GPR158: variants seen among roughly 807,000 people sequenced by gnomAD.
GPR158 encodes the protein G protein-coupled receptor 158, also known as metabotropic glycine receptor.
Under a neutral mutation model 78.2 loss-of-function variants are expected in GPR158, and 30 were observed. That is an observed-to-expected ratio of 0.38 (90% CI 0.29 to 0.52). GPR158 has a LOEUF of 0.52. Ranked by LOEUF, GPR158 falls within the 20% of genes least tolerant of loss-of-function variation. The pLI is 0.83. For missense variants in GPR158, 1,463 were observed against 1,523.5 expected (o/e 0.96, Z 0.66); for synonymous variants, 581 against 591.1 (o/e 0.98, Z 0.25).
In GPR158 at chr10:25,389,994, G is replaced by A. The variant is rs912370574; in HGVS notation, c.1009-5917G>A. ...GCTGTTCTCATGATAGTGAATAAGTGTCATGAGATTTGATGGTTTTATAAA... is the reference window on the plus strand; with the variant it reads ...GCTGTTCTCATGATAGTGAATAAGTATCATGAGATTTGATGGTTTTATAAA... On this transcript the variant is annotated intron_variant, in intron 2 of 10. Transcript: ENST00000376351. 2.6e-5 allele frequency among the ~76,000 whole-genome samples: 4 copies of A among 152,184 alleles called. 1 individual carries two copies. In the South Asian group the frequency reaches 8.3e-4, roughly 32 times the overall value.
At chr10:25,350,475 G>A (rs945206392) in intron 2 of GPR158, among the ~76,000 whole-genome samples, 1 of 151,878 alleles carries the variant, frequency 6.6e-6, no homozygotes, top group African/African-American at 2.4e-5. Flanking sequence ...CCCCTTACAT[G>A]TGAACATAGT....
chr10:25,466,105 G>A (rs1376795904), intron 4 of GPR158: 2 of 152,306 alleles, frequency 1.3e-5, no homozygotes, highest in African/African-American at 2.4e-5. Flanking sequence ...GGGGTCATAA[G>A]GGGATATAAG....
chr10:25,440,006 C>T (rs1264089758), intron 4 of GPR158, among the ~76,000 whole-genome samples: 2 of 152,154 alleles, frequency 1.3e-5, no homozygotes, highest in Non-Finnish European at 2.9e-5. Flanking sequence ...CTTCCCCTTT[C>T]ATGTCCATAA....
chr10:25,526,578 G>A (rs1310741817), intron 5 of GPR158, among the ~76,000 whole-genome samples: 1 of 152,140 alleles, frequency 6.6e-6, no homozygotes, highest in East Asian at 1.9e-4. Context: ...ACTATGATAG[G>A]GCAATAACTG....
chr10:25,480,581 CACA>C (rs1385386230), intron 5 of GPR158, among the ~76,000 whole-genome samples: 10 of 152,178 alleles, frequency 6.6e-5, no homozygotes, highest in African/African-American at 1.9e-4. Context: ...AGCAGAATCA[CACA>C]ACATTTATTC....
At chr10:25,189,981 A>C (rs1382040173) in intron 1 of GPR158, among the ~76,000 whole-genome samples, 1 of 151,760 alleles carries the variant, frequency 6.6e-6, no homozygotes, top group African/African-American at 2.4e-5. Flanking sequence ...GAAAACAATT[A>C]GCAATCTGTC....
At chr10:25,335,993 A>C (rs1266728498) in intron 2 of GPR158, among the ~76,000 whole-genome samples, 1 of 152,028 alleles carries the variant, frequency 6.6e-6, no homozygotes, top group African/African-American at 2.4e-5. Flanking sequence ...TTTATATTGT[A>C]CATGCTGAAA....
At chr10:25,254,228 T>G (rs959334) in intron 2 of GPR158, among the ~76,000 whole-genome samples, 26,252 of 152,094 alleles carry the variant, frequency 0.17, 3,318 homozygotes, top group African/African-American at 0.35. Flanking sequence ...TTTCTTTTTC[T>G]TTTCTTATTT....
chr10:25,317,480 ATTTC>A (rs1284293200), intron 2 of GPR158, among the ~76,000 whole-genome samples: 1 of 148,570 alleles, frequency 6.7e-6, no homozygotes, highest in Non-Finnish European at 1.5e-5. Flanking sequence ...TTTTTCTTCT[ATTTC>A]TTTTCTGAGT....
intron 4 of GPR158, among the ~76,000 whole-genome samples, chr10:25,437,445 C>G (rs1006161600): frequency 6.6e-6 from 1 of 152,068 alleles, no homozygotes. Context: ...AGGCTGGTCT[C>G]GAACTCCTGG....
intron 2 of GPR158, among the ~76,000 whole-genome samples, chr10:25,291,392 T>C (rs1026108499): frequency 7.9e-5 from 12 of 152,126 alleles, no homozygotes; most frequent in Admixed American, 7.9e-4. Context: ...ATCAGTTGTT[T>C]AGGAGAAGTA....
At chr10:25,464,226 A>G (rs920241803) in intron 4 of GPR158, among the ~76,000 whole-genome samples, 7 of 152,134 alleles carry the variant, frequency 4.6e-5, no homozygotes, top group Non-Finnish European at 8.8e-5. Flanking sequence ...TACTCCTGCT[A>G]CTGTTATGTG....
rs117075464 is a variant in GPR158 at position 25,227,113 on chromosome 10, C to T, written c.1008+5956C>T. On this transcript the variant is annotated intron_variant, in intron 2 of 10. Coordinates refer to ENST00000376351, the MANE Select transcript of GPR158 (RefSeq NM_020752.3). ...TTTTTTGAGTTTTCCACTATGCTCT[C>T]GAGGGTTATTTGGAATAGAGATTCT... Among the ~76,000 whole-genome samples the T allele has an allele frequency of 6.7e-4, 102 of 152,162 alleles. No individual in the cohort carries two copies. The East Asian group carries it at 0.017, about 26-fold the overall frequency.
chr10:25,553,277 ATC>A (rs1341185353), intron 6 of GPR158, among the ~76,000 whole-genome samples: 1 of 152,174 alleles, frequency 6.6e-6, no homozygotes, highest in African/African-American at 2.4e-5. Context: ...TTATAACATT[ATC>A]TCTTTTATTT....
At chr10:25,545,914 T>C (rs1165581973) in intron 5 of GPR158, among the ~76,000 whole-genome samples, 1 of 152,124 alleles carries the variant, frequency 6.6e-6, no homozygotes, top group African/African-American at 2.4e-5. Flanking sequence ...ATAAACTAGG[T>C]AGCTACATTA....
At chr10:25,233,160 C>T (rs1853475677) in intron 2 of GPR158, among the ~76,000 whole-genome samples, 1 of 152,180 alleles carries the variant, frequency 6.6e-6, no homozygotes, top group Non-Finnish European at 1.5e-5. Flanking sequence ...CATGCGCTGT[C>T]TCCAGAAAGG....
At chr10:25,371,419 C>T (rs1334337071) in intron 2 of GPR158, among the ~76,000 whole-genome samples, 2 of 151,800 alleles carry the variant, frequency 1.3e-5, no homozygotes, top group Admixed American at 6.6e-5. Flanking sequence ...GCCAAAAGAA[C>T]AAAGCTGGAG....
chr10:25,577,855 TA>T (rs1332193858), intron 7 of GPR158, among the ~76,000 whole-genome samples: 4 of 141,966 alleles, frequency 2.8e-5, no homozygotes, highest in Admixed American at 1.4e-4. Flanking sequence ...GTCCTGTGTA[TA>T]AAAAAATAAG....
At chr10:25,241,193 T>TTTTTC (rs1554787152) in intron 2 of GPR158, among the ~76,000 whole-genome samples, 1 of 101,660 alleles carries the variant, frequency 9.8e-6, no homozygotes, top group Admixed American at 1.0e-4. Flanking sequence ...TTCTTTCCTT[T>TTTTTC]CTTTCTTTCC....
Sources: allele counts gnomAD v4.1 joint callset (sites outside exome capture counted in the v4.1 genomes callset), GRCh38; gene constraint gnomAD v4.1.1; transcripts MANE v1.5; gene names NCBI Gene and HGNC (gene_info 2026-07-23, HGNC 2026-07-21).